Variants in ARHGEF7 observed in about 807,000 individuals in gnomAD.
ARHGEF7 encodes PAK-interacting exchange factor beta.
Under a neutral mutation model 109.8 loss-of-function variants are expected in ARHGEF7, and 33 were observed. That is an observed-to-expected ratio of 0.30 (90% CI 0.23 to 0.40). The LOEUF is 0.40. ARHGEF7 is among the 10% of genes least tolerant of loss of function. The probability of loss-of-function intolerance (pLI) is 1.00; values close to 1 mark genes in which losing one functional copy is unlikely to be tolerated. For synonymous variants in ARHGEF7, 458 were observed against 424.6 expected (o/e 1.08, Z -0.97); for missense variants, 938 against 1,098.5 (o/e 0.85, Z 2.07).
intron 6 of ARHGEF7, among the ~76,000 whole-genome samples, chr13:111,243,526 A>C (rs755180083): frequency 1.6e-4 from 25 of 152,178 alleles, no homozygotes; most frequent in Non-Finnish European, 2.9e-4. Context: ...TTTGCACCAC[A>C]CAGTGTCGTA....
At chr13:111,244,006 T>G in intron 7 of ARHGEF7, 40 bp downstream of exon 7, 1 of 1,505,920 alleles carries the variant, frequency 6.6e-7, no homozygotes, top group Non-Finnish European at 9.2e-7. Context: ...TAAAATAGTC[T>G]AAACCTTAGG....
intron 8 of ARHGEF7, among the ~76,000 whole-genome samples, chr13:111,246,888 AT>A (rs2088947705): frequency 6.6e-6 from 1 of 152,236 alleles, no homozygotes; most frequent in Admixed American, 6.5e-5. Context: ...TGGGCATTAT[AT>A]CAGCCCTGCG....
chr13:111,183,014 T>C (rs1594402474), intron 2 of ARHGEF7, among the ~76,000 whole-genome samples: 1 of 152,352 alleles, frequency 6.6e-6, no homozygotes, highest in Non-Finnish European at 1.5e-5. Flanking sequence ...TGTGATGTTG[T>C]GTAGGTTAGG....
chr13:111,129,469 C>G (rs1241706415), intron 1 of ARHGEF7, among the ~76,000 whole-genome samples: 1 of 152,112 alleles, frequency 6.6e-6, no homozygotes, highest in African/African-American at 2.4e-5. Context: ...AAAATATTTG[C>G]AAATCACATG....
rs2092197209 is a variant in ARHGEF7 at position 111,272,066 on chromosome 13, G to A, written c.1074-1748G>A. 6.6e-6 allele frequency among the ~76,000 whole-genome samples: 1 copy of A among 152,228 alleles called. No individual in the cohort carries two copies. Among genetic ancestry groups the A allele is most frequent in the Admixed American group, 6.5e-5 (1 of 15,286 alleles). ...TCAGAAGGTCTTACGTGCTTAGGAA[G>A]TGGAAGGCTGGTTTCCTAATGACTG... is the stretch of plus-strand genomic sequence containing the variant. On this transcript the variant is annotated intron_variant, in intron 9 of 21. Coordinates refer to ENST00000646102, the MANE Select transcript of ARHGEF7 (RefSeq NM_001354046.2). This position sits in a 1 kb window ranked among gnomAD's most constrained non-coding sequence, Gnocchi z 5.2.
At chr13:111,247,985 A>C (rs146052446) in intron 8 of ARHGEF7, among the ~76,000 whole-genome samples, 2,315 of 152,250 alleles carry the variant, frequency 0.015, 34 homozygotes, top group Middle Eastern at 0.058. Flanking sequence ...TATTTTTGCC[A>C]TGTAGGACTT....
intron 16 of ARHGEF7, among the ~76,000 whole-genome samples, chr13:111,284,791 C>T (rs1315605706): frequency 6.6e-6 from 1 of 152,118 alleles, no homozygotes; most frequent in African/African-American, 2.4e-5. Flanking sequence ...CTCGTGGAGG[C>T]CGCTCTGCAG....
intron 13 of ARHGEF7, among the ~76,000 whole-genome samples, chr13:111,278,497 C>T (rs1448840960): frequency 6.6e-6 from 1 of 152,226 alleles, no homozygotes; most frequent in Non-Finnish European, 1.5e-5. Context: ...TAAGCAGACA[C>T]TATGCCCTCA....
At chr13:111,289,954 T>G (rs1267474569) in intron 18 of ARHGEF7, among the ~76,000 whole-genome samples, 2 of 152,078 alleles carry the variant, frequency 1.3e-5, no homozygotes, top group Non-Finnish European at 1.5e-5. Context: ...AGGAGAGAAA[T>G]AGAGAAACGG....
chr13:111,295,294 C>A (rs2093402906), intron 19 of ARHGEF7: 1 of 744,532 alleles, frequency 1.3e-6, no homozygotes, highest in Non-Finnish European at 1.6e-6. Flanking sequence ...CTTCCAAAGG[C>A]AGGCAGGTGA....
rs1054886722 is a variant in ARHGEF7, at chr13:111,303,774, TCA to T, written c.*662_*663del. Reference sequence around the variant, plus strand: ...GAGGGCAACTTGCTGGCTGACAGACTCAGTCTTGACCTCAAGGAAGGCCCATA... The same window carrying T: ...GAGGGCAACTTGCTGGCTGACAGACTGTCTTGACCTCAAGGAAGGCCCATA... On this transcript the variant is annotated 3_prime_UTR_variant, in exon 22 of 22. Coordinates refer to ENST00000646102, the MANE Select transcript of ARHGEF7 (RefSeq NM_001354046.2). 2.0e-5 allele frequency: 3 copies of T among 152,290 alleles called. No homozygotes were observed. Among genetic ancestry groups the T allele is most frequent in the African/African-American group, 7.2e-5 (3 of 41,474 alleles). The allele number at this position is 152,290 out of a possible 1,614,324, so 9.4% of individuals were successfully genotyped here.
intron 8 of ARHGEF7, among the ~76,000 whole-genome samples, chr13:111,245,756 C>T (rs2088719901): frequency 6.6e-6 from 1 of 152,200 alleles, no homozygotes; most frequent in Admixed American, 6.5e-5. Flanking sequence ...TTACGACTTA[C>T]TTTGAACTCG....
At chr13:111,169,700 A>G (rs934488208) in intron 2 of ARHGEF7, among the ~76,000 whole-genome samples, 2 of 152,102 alleles carry the variant, frequency 1.3e-5, no homozygotes, top group African/African-American at 2.4e-5. Context: ...GTGGAATTAT[A>G]TTTTTAACTT....
Position 111,244,221 on chromosome 13 carries a change from T to C in ARHGEF7, c.877T>C (p.Tyr293His), listed in dbSNP as rs747945936. Residue 293 changes from tyrosine to histidine, a missense_variant, in exon 8 of 22, where the codon TAT becomes CAT. This residue lies in a region of ARHGEF7 where 585 missense variants were observed against 723.6 expected (regional missense o/e 0.81). Transcript: ENST00000646102. ...SEKLSSANISYLMGNLEEICS... is the reference protein window; with the variant it reads ...SEKLSSANISHLMGNLEEICS... ...TAGGTTAAGTTCAGCAAACATTTCA[T>C]ATTTAATGGGAAATCTAGAAGAAAT... is the stretch of plus-strand genomic sequence containing the variant. 6.2e-7 allele frequency: 1 copy of C among 1,608,588 alleles called. No individual in the cohort carries two copies. The highest frequency in any genetic ancestry group is 1.3e-5 in the African/African-American group (1 of 74,728).
intron 19 of ARHGEF7, chr13:111,294,940 C>G: frequency 2.0e-6 from 2 of 985,596 alleles, no homozygotes; most frequent in Non-Finnish European, 2.4e-6. Flanking sequence ...ATTGCCAAAA[C>G]ACAGTAATGT....
intron 1 of ARHGEF7, among the ~76,000 whole-genome samples, chr13:111,121,106 G>A (rs1410377582): frequency 6.6e-6 from 1 of 152,166 alleles, no homozygotes; most frequent in Non-Finnish European, 1.5e-5. Context: ...GGCAGAGTGG[G>A]AGCCCTCAGG....
At chr13:111,282,880 T>C (rs1595505904) in intron 15 of ARHGEF7, 3 of 571,756 alleles carry the variant, frequency 5.2e-6, no homozygotes, top group East Asian at 2.9e-5. Context: ...TTTTGAGTGC[T>C]GGGGCCCCAG....
At chr13:111,256,051 C>A (rs1464157321) in intron 8 of ARHGEF7, among the ~76,000 whole-genome samples, 1 of 152,102 alleles carries the variant, frequency 6.6e-6, no homozygotes, top group Non-Finnish European at 1.5e-5. Flanking sequence ...TTATTTTTAA[C>A]CGCCAGCTAG....
chr13:111,253,729 C>T (rs947989804), intron 8 of ARHGEF7, among the ~76,000 whole-genome samples: 3 of 152,178 alleles, frequency 2.0e-5, no homozygotes, highest in African/African-American at 7.2e-5. Flanking sequence ...GGGGCAGCTG[C>T]GACCATTTCA....
Sources: gnomAD v4.1 joint callset for allele counts (sites outside exome capture counted in the v4.1 genomes callset) on GRCh38, gnomAD v4.1.1 for gene constraint, gnomAD v4.1.1 regional missense constraint, Gnocchi (gnomAD v3.1) non-coding constraint, MANE v1.5 for transcripts, NCBI Gene and HGNC (gene_info 2026-07-23, HGNC 2026-07-21) for gene names.